The following SAMD12 variants were observed in gnomAD, a reference collection of about 807,000 sequenced individuals.
The protein encoded by SAMD12 is sterile alpha motif domain-containing protein 12.
SAMD12 carries 9 observed loss-of-function variants against 15.0 expected under a neutral mutation model. That is an observed-to-expected ratio of 0.60 (90% CI 0.36 to 1.05). SAMD12 has a LOEUF of 1.05. SAMD12 is among the 50% of genes least tolerant of loss of function. The pLI is 0.01. For synonymous variants in SAMD12, 86 were observed against 90.1 expected (o/e 0.96, Z 0.25); for missense variants, 230 against 234.2 (o/e 0.98, Z 0.12).
At chr8:118,544,866 A>C (rs1272960136) in intron 2 of SAMD12, among the ~76,000 whole-genome samples, 2 of 152,226 alleles carry the variant, frequency 1.3e-5, no homozygotes, top group Non-Finnish European at 2.9e-5. Flanking sequence ...TCTTGAGAAC[A>C]TTCTATGTGC....
chr8:118,474,329 C>A (rs546578585), intron 2 of SAMD12, among the ~76,000 whole-genome samples: 1 of 152,262 alleles, frequency 6.6e-6, no homozygotes, highest in East Asian at 1.9e-4. Flanking sequence ...GCATAACCAT[C>A]CTCATTATCT....
At chr8:118,382,067 A>T (rs985926308) in intron 3 of SAMD12, among the ~76,000 whole-genome samples, 1 of 152,206 alleles carries the variant, frequency 6.6e-6, no homozygotes, top group Non-Finnish European at 1.5e-5. Flanking sequence ...GAAAACAAAG[A>T]ATACAGCTTA....
intron 2 of SAMD12, among the ~76,000 whole-genome samples, chr8:118,468,942 T>G (rs771135092): frequency 4.6e-5 from 7 of 152,184 alleles, no homozygotes; most frequent in Admixed American, 1.3e-4. Flanking sequence ...AGGCTGCTGC[T>G]TCATCATATC....
intron 3 of SAMD12, among the ~76,000 whole-genome samples, chr8:118,396,854 GA>G (rs1321761505): frequency 6.6e-6 from 1 of 152,192 alleles, no homozygotes; most frequent in Non-Finnish European, 1.5e-5. Context: ...TTCTACTAGA[GA>G]GGTGGTAACA....
At chr8:118,475,977 G>A (rs1668173311) in intron 2 of SAMD12, among the ~76,000 whole-genome samples, 1 of 152,192 alleles carries the variant, frequency 6.6e-6, no homozygotes, top group Non-Finnish European at 1.5e-5. Flanking sequence ...TAAATTGCCT[G>A]TGAAAATCCT....
At chr8:118,309,380 A>ATGTGTGTATGTG (rs1554628154) in intron 4 of SAMD12, among the ~76,000 whole-genome samples, 19 of 143,896 alleles carry the variant, frequency 1.3e-4, no homozygotes, top group African/African-American at 5.2e-4. Context: ...TGAGATATAT[A>ATGTGTGTATGTG]TGTGTGTGTG....
intron 4 of SAMD12, among the ~76,000 whole-genome samples, chr8:118,346,113 G>A (rs1206462814): frequency 1.3e-5 from 2 of 152,122 alleles, no homozygotes; most frequent in Non-Finnish European, 2.9e-5. Flanking sequence ...CCGGCATGAG[G>A]CCCCAAAAGC....
intron 4 of SAMD12, among the ~76,000 whole-genome samples, chr8:118,354,550 G>C (rs1818131380): frequency 6.6e-6 from 1 of 152,104 alleles, no homozygotes; most frequent in Non-Finnish European, 1.5e-5. Context: ...CTGATGCTAT[G>C]CTCTTCAGTA....
At chr8:118,438,174 G>T (rs1378041800) in intron 3 of SAMD12, among the ~76,000 whole-genome samples, 1 of 152,110 alleles carries the variant, frequency 6.6e-6, no homozygotes, top group Non-Finnish European at 1.5e-5. Context: ...ACTGCCTTCC[G>T]AATTTCTGAG....
At chr8:118,222,787 G>A (rs916369926) in intron 4 of SAMD12, among the ~76,000 whole-genome samples, 1 of 152,068 alleles carries the variant, frequency 6.6e-6, no homozygotes, top group Non-Finnish European at 1.5e-5. Context: ...TTACAAGTGT[G>A]AGCCACGGCA....
At chr8:118,191,731 T>G (rs1819378374) in exon 5 of SAMD12, 1 of 119,588 alleles carries the variant, frequency 8.4e-6, no homozygotes, top group Non-Finnish European at 1.7e-5. Context: ...TGCACTAAAT[T>G]GTGGTTGAAA....
intron 3 of SAMD12, among the ~76,000 whole-genome samples, chr8:118,383,784 C>A (rs1282762317): frequency 6.6e-6 from 1 of 152,140 alleles, no homozygotes; most frequent in South Asian, 2.1e-4. Context: ...TTACTCCCTG[C>A]CTTTTACTCT....
chr8:118,400,473 A>T (rs1820817080), intron 3 of SAMD12: 1 of 152,158 alleles, frequency 6.6e-6, no homozygotes, highest in South Asian at 2.1e-4. Flanking sequence ...AAAACAGAGT[A>T]ATTCACTGAT....
chr8:118,349,781 CAG>C (rs1239831157), intron 4 of SAMD12, among the ~76,000 whole-genome samples: 1 of 152,206 alleles, frequency 6.6e-6, no homozygotes, highest in Non-Finnish European at 1.5e-5. Flanking sequence ...CCTGAGTCCT[CAG>C]AGACTCAGGC....
intron 2 of SAMD12, among the ~76,000 whole-genome samples, chr8:118,550,746 G>C (rs1826302694): frequency 6.6e-6 from 1 of 151,510 alleles, no homozygotes; most frequent in Admixed American, 6.6e-5. Context: ...ATTGGATAAA[G>C]AGTCAAGACC....
At chr8:118,457,583 G>T (rs1239396214) in intron 2 of SAMD12, among the ~76,000 whole-genome samples, 2 of 152,108 alleles carry the variant, frequency 1.3e-5, no homozygotes, top group South Asian at 2.1e-4. Context: ...AGCCAGACTG[G>T]TTATTTCCCT....
At chr8:118,337,943 C>T (rs950085832) in intron 4 of SAMD12, among the ~76,000 whole-genome samples, 1 of 152,108 alleles carries the variant, frequency 6.6e-6, no homozygotes, top group Non-Finnish European at 1.5e-5. Flanking sequence ...TGTGAAGAAA[C>T]AAAAAGAAAT....
At chr8:118,208,922 G>C (rs903373011) in intron 4 of SAMD12, among the ~76,000 whole-genome samples, 1 of 152,112 alleles carries the variant, frequency 6.6e-6, no homozygotes, top group African/African-American at 2.4e-5. Flanking sequence ...AGGGCTCAAG[G>C]CTTCTCCTCT....
At chr8:118,131,973 A>T in the SAMD12 span, among the ~76,000 whole-genome samples, 2 of 152,224 alleles carry the variant, frequency 1.3e-5, no homozygotes, top group South Asian at 4.1e-4. Context: ...GATACCCATT[A>T]TCCTATTATA....
Sources: allele counts gnomAD v4.1 joint callset (sites outside exome capture counted in the v4.1 genomes callset), GRCh38; gene constraint gnomAD v4.1.1; transcripts MANE v1.5; gene names NCBI Gene and HGNC (gene_info 2026-07-23, HGNC 2026-07-21).